Variants in CEP350 observed in about 807,000 individuals in gnomAD.
CEP350 encodes the protein centrosome-associated protein 350.
A neutral mutation model predicts 331.8 loss-of-function variants in CEP350; 126 were observed. The observed-to-expected ratio is 0.38, with a 90% CI of 0.33 to 0.44. CEP350 has a LOEUF of 0.44. Ranked by LOEUF, CEP350 falls within the 20% of genes least tolerant of loss-of-function variation. The probability of loss-of-function intolerance (pLI) is 1.00; values close to 1 mark genes in which losing one functional copy is unlikely to be tolerated. For synonymous variants in CEP350, 1,200 were observed against 1,259.5 expected (o/e 0.95, Z 1.00); for missense variants, 3,406 against 3,634.6 (o/e 0.94, Z 1.62).
chr1:180,027,259 TTC>T (rs1655740250), intron 14 of CEP350, among the ~76,000 whole-genome samples: 1 of 152,256 alleles, frequency 6.6e-6, no homozygotes, highest in African/African-American at 2.4e-5. Flanking sequence ...TGCAATTTTA[TTC>T]TGTCTGTAGG....
At chr1:180,045,452 C>G (rs950519851) in intron 21 of CEP350, among the ~76,000 whole-genome samples, 1 of 152,090 alleles carries the variant, frequency 6.6e-6, no homozygotes, top group African/African-American at 2.4e-5. Context: ...AGGCTACTTT[C>G]CAGCATTTTT....
chr1:180,034,164 T>C, intron 16 of CEP350, 82 bp downstream of exon 16: 6 of 1,411,020 alleles, frequency 4.3e-6, no homozygotes, highest in Middle Eastern at 1.8e-4. Flanking sequence ...TTGTTTGAGT[T>C]GAGTCATAGA....
Position 180,020,917 on chromosome 1 carries a change from C to A in CEP350, c.3143C>A (p.Thr1048Lys). The change falls in exon 12 of 38, where the codon ACA becomes AAA. Residue 1048 changes from threonine to lysine, a missense_variant. Physicochemically the swap from Thr to Lys is moderately conservative, Grantham distance 78. Transcript: ENST00000367607. ...FLPLFGHIGG[T>K]QSKGPWEELA... ...CCACTTTTTGGGCACATAGGTGGTACACAAAGCAAAGGACCATGGGAAGAA... is the reference window on the plus strand; with the variant it reads ...CCACTTTTTGGGCACATAGGTGGTAAACAAAGCAAAGGACCATGGGAAGAA... 6.2e-7 allele frequency: 1 copy of A among 1,612,028 alleles called. No individual in the cohort carries two copies. The highest frequency in any genetic ancestry group is 1.1e-5 in the South Asian group (1 of 90,938).
intron 13 of CEP350, 106 bp downstream of exon 13, chr1:180,022,954 T>C (rs1655426734): frequency 4.9e-6 from 5 of 1,030,458 alleles, no homozygotes; most frequent in South Asian, 1.7e-5. Flanking sequence ...TAAAAATACA[T>C]ATAGAGGCTG....
chr1:180,061,667 CA>C (rs1380665684), intron 25 of CEP350, among the ~76,000 whole-genome samples: 1 of 152,146 alleles, frequency 6.6e-6, no homozygotes, highest in Admixed American at 6.5e-5. Context: ...GCATTGTAGA[CA>C]GGGGCAGTCC....
intron 4 of CEP350, 93 bp downstream of exon 4, chr1:179,990,714 C>T: frequency 1.7e-6 from 1 of 593,802 alleles, no homozygotes; most frequent in Admixed American, 3.1e-5. Flanking sequence ...GCCACCACAC[C>T]TGGCTAATCT....
At chr1:180,006,676 G>A (rs1654278682) in intron 8 of CEP350, 109 bp downstream of exon 8, 1 of 638,608 alleles carries the variant, frequency 1.6e-6, no homozygotes, top group Admixed American at 2.7e-5. Flanking sequence ...GATACACAGG[G>A]TATACGTGTG....
At chr1:179,976,064 T>C (rs1255400069) in intron 1 of CEP350, among the ~76,000 whole-genome samples, 1 of 152,162 alleles carries the variant, frequency 6.6e-6, no homozygotes, top group Non-Finnish European at 1.5e-5. Flanking sequence ...AGTTTTAAGG[T>C]GAAAGTTTAA....
chr1:179,976,464 T>G (rs75541635), intron 1 of CEP350, among the ~76,000 whole-genome samples: 1,585 of 152,262 alleles, frequency 0.01, 28 homozygotes, highest in African/African-American at 0.034. Flanking sequence ...GTACATTTCT[T>G]AACACTTTTT....
At chr1:180,003,532 G>C (rs960750490) in intron 7 of CEP350, among the ~76,000 whole-genome samples, 12 of 152,144 alleles carry the variant, frequency 7.9e-5, no homozygotes, top group African/African-American at 2.9e-4. Flanking sequence ...GGGACTTTCA[G>C]AGTTGGGACT....
At position 180,091,469 on chromosome 1, in the gene CEP350, CCTAA is replaced by C. The variant is rs1326836987; in HGVS notation, c.6508+677_6508+680del. On this transcript the variant is annotated intron_variant, in intron 33 of 37. Transcript: ENST00000367607. ...TTAATCTGGTTATATATATTTTCAGCCTAACTATTTCTTAGCTAAATAGCTGTAT... is the reference window on the plus strand; with the variant it reads ...TTAATCTGGTTATATATATTTTCAGCCTATTTCTTAGCTAAATAGCTGTAT... Among the ~76,000 whole-genome samples, 5 of 152,190 alleles carry C rather than the reference CCTAA, an allele frequency of 3.3e-5. No individual in the cohort carries two copies. In the Middle Eastern group the frequency reaches 0.01, roughly 311 times the overall value.
rs200181138 is a variant in CEP350, at chr1:180,015,965, T to C, written c.2169T>C (p.Leu723=). 1.9e-5 allele frequency: 30 copies of C among 1,613,626 alleles called. No individual in the cohort carries two copies. The highest frequency in any genetic ancestry group is 2.5e-5 in the Non-Finnish European group (30 of 1,179,706). ...DMSLSEPPQP[L]ARKDLMESTW... ...CTCTCTCAGAACCTCCACAGCCTCTTGCAAGGTAAAAAGGGAAGAATGAAA... is the reference window on the plus strand; with the variant it reads ...CTCTCTCAGAACCTCCACAGCCTCTCGCAAGGTAAAAAGGGAAGAATGAAA... Residue 723 remains leucine, a synonymous_variant, in exon 11 of 38, where the codon CTT becomes CTC. Transcript: ENST00000367607.
At chr1:180,071,837 A>T (rs1400078803) in intron 27 of CEP350, among the ~76,000 whole-genome samples, 7 of 152,166 alleles carry the variant, frequency 4.6e-5, no homozygotes, top group Non-Finnish European at 7.4e-5. Flanking sequence ...AACATTTTAG[A>T]AACATAATGA....
At chr1:179,957,365 AAAAT>A (rs1650244327) in intron 1 of CEP350, among the ~76,000 whole-genome samples, 1 of 152,138 alleles carries the variant, frequency 6.6e-6, no homozygotes, top group Non-Finnish European at 1.5e-5. Context: ...ATAGTGTAAA[AAAAT>A]CATCAGATTG....
At chr1:180,091,909 A>G (rs1485841815) in intron 33 of CEP350, among the ~76,000 whole-genome samples, 1 of 152,060 alleles carries the variant, frequency 6.6e-6, no homozygotes, top group Non-Finnish European at 1.5e-5. Flanking sequence ...AGATTTGGCC[A>G]GGCACAGTGG....
chr1:180,100,500 T>G (rs1660742006), intron 37 of CEP350, among the ~76,000 whole-genome samples: 1 of 152,202 alleles, frequency 6.6e-6, no homozygotes, highest in East Asian at 1.9e-4. Context: ...ATAAATCACC[T>G]CTGTATATAC....
chr1:180,018,114 TC>T (rs1655085591), intron 11 of CEP350, among the ~76,000 whole-genome samples: 1 of 152,160 alleles, frequency 6.6e-6, no homozygotes, highest in Non-Finnish European at 1.5e-5. Flanking sequence ...CAAGTGATCC[TC>T]CCACCTCAGC....
intron 27 of CEP350, chr1:180,073,962 T>A: frequency 7.8e-7 from 1 of 1,283,322 alleles, no homozygotes; most frequent in Non-Finnish European, 1.0e-6. Flanking sequence ...TCTGTTCTTT[T>A]TGTTTGTTTT....
intron 25 of CEP350, among the ~76,000 whole-genome samples, chr1:180,061,568 A>G (rs1658232997): frequency 6.6e-6 from 1 of 152,214 alleles, no homozygotes; most frequent in African/African-American, 2.4e-5. Flanking sequence ...TTAGCAGTGA[A>G]GTGTATTATC....
Sources: allele counts gnomAD v4.1 joint callset (sites outside exome capture counted in the v4.1 genomes callset), GRCh38; gene constraint gnomAD v4.1.1; transcripts MANE v1.5; gene names NCBI Gene and HGNC (gene_info 2026-07-23, HGNC 2026-07-21).